Variants in PDGFRL observed in about 807,000 individuals in gnomAD.
PDGFRL encodes platelet-derived growth factor receptor-like protein.
A neutral mutation model predicts 37.2 loss-of-function variants in PDGFRL; 46 were observed. The ratio of observed to expected loss-of-function variants is 1.24; its 90% CI spans 0.98 to 1.58. The LOEUF (loss-of-function observed/expected upper bound fraction) is 1.58. Among genes scored for constraint, PDGFRL ranks in the 40% most tolerant of loss-of-function variants. The probability of loss-of-function intolerance (pLI) is 0.00; values close to 1 mark genes in which losing one functional copy is unlikely to be tolerated. For synonymous variants in PDGFRL, 251 were observed against 184.3 expected, an observed-to-expected ratio of 1.36 and a Z score of -2.93; for missense variants, 692 against 467.6, an observed-to-expected ratio of 1.48 and a Z score of -4.43.
chr8:17,597,404 C>T (rs1048271168), intron 2 of PDGFRL, among the ~76,000 whole-genome samples: 1 of 152,232 alleles, frequency 6.6e-6, no homozygotes, highest in Non-Finnish European at 1.5e-5. Flanking sequence ...ACTGCTTCAT[C>T]TTTTCCTACT....
chr8:17,610,625 G>C (rs1804390965), intron 2 of PDGFRL, among the ~76,000 whole-genome samples: 1 of 152,104 alleles, frequency 6.6e-6, no homozygotes, highest in Non-Finnish European at 1.5e-5. Context: ...ATTTACATGA[G>C]AAGGGCCAGG....
intron 3 of PDGFRL, among the ~76,000 whole-genome samples, chr8:17,623,156 C>G (rs369990893): frequency 4.6e-5 from 7 of 152,160 alleles, no homozygotes; most frequent in Non-Finnish European, 5.9e-5. Flanking sequence ...TGTTCCAGGA[C>G]CTGTAGTGGC....
chr8:17,597,355 C>G (rs978517432), intron 2 of PDGFRL, among the ~76,000 whole-genome samples: 1 of 152,222 alleles, frequency 6.6e-6, no homozygotes. Flanking sequence ...TGTTGGCTTT[C>G]TGGAAGCACG....
chr8:17,609,060 C>A (rs943747945), intron 2 of PDGFRL, among the ~76,000 whole-genome samples: 1 of 152,114 alleles, frequency 6.6e-6, no homozygotes, highest in African/African-American at 2.4e-5. Flanking sequence ...CTCTTAAAAA[C>A]AAACAAAAAG....
At chr8:17,618,371 T>A (rs1804569829) in intron 2 of PDGFRL, among the ~76,000 whole-genome samples, 1 of 152,210 alleles carries the variant, frequency 6.6e-6, no homozygotes, top group Non-Finnish European at 1.5e-5. Flanking sequence ...CGACCATTTT[T>A]TATTTGCTGT....
At position 17,600,670 on chromosome 8, in the gene PDGFRL, G is replaced by A. The variant is rs114177059; in HGVS notation, c.353+10905G>A. Among the ~76,000 whole-genome samples the A allele has an allele frequency of 8.7e-3, 1,325 of 151,846 alleles. 28 individuals carry two copies. Among genetic ancestry groups the A allele is most frequent in the African/African-American group, 0.03 (1,261 of 41,384 alleles). Reference sequence around the variant, plus strand: ...ATTGTTTTAAATTACAGGTGTGGTGGTACATGCCTGTAGTTGCAGCTACTC... The same window carrying A: ...ATTGTTTTAAATTACAGGTGTGGTGATACATGCCTGTAGTTGCAGCTACTC... On this transcript the variant is annotated intron_variant, in intron 2 of 5. Transcript: ENST00000251630.
At chr8:17,626,388 C>G (rs1488169573) in intron 3 of PDGFRL, among the ~76,000 whole-genome samples, 1 of 152,162 alleles carries the variant, frequency 6.6e-6, no homozygotes, top group Non-Finnish European at 1.5e-5. Flanking sequence ...AAGACGGAGA[C>G]TCTCTGAGCC....
intron 5 of PDGFRL, among the ~76,000 whole-genome samples, chr8:17,637,819 T>G (rs1460302640): frequency 6.6e-6 from 1 of 152,196 alleles, no homozygotes; most frequent in Non-Finnish European, 1.5e-5. Flanking sequence ...TTCCAGGAAT[T>G]TATCCATCTC....
At chr8:17,588,652 G>T (rs1356533123) in intron 1 of PDGFRL, among the ~76,000 whole-genome samples, 1 of 152,180 alleles carries the variant, frequency 6.6e-6, no homozygotes, top group African/African-American at 2.4e-5. Context: ...CAGCCTGGGT[G>T]ACAGAGTGAG....
intron 2 of PDGFRL, among the ~76,000 whole-genome samples, chr8:17,610,103 T>C (rs1804376871): frequency 6.6e-6 from 1 of 152,178 alleles, no homozygotes; most frequent in Non-Finnish European, 1.5e-5. Flanking sequence ...CGCCTGCCCA[T>C]TAGTAATTCA....
chr8:17,623,572 C>G (rs1406790626), intron 3 of PDGFRL, among the ~76,000 whole-genome samples: 2 of 152,080 alleles, frequency 1.3e-5, no homozygotes, highest in African/African-American at 4.8e-5. Context: ...GGCAGAATAT[C>G]CTATTAATAT....
intron 4 of PDGFRL, among the ~76,000 whole-genome samples, chr8:17,632,744 C>T (rs1223888684): frequency 1.3e-5 from 2 of 152,118 alleles, no homozygotes; most frequent in South Asian, 2.1e-4. Context: ...CTGTCCTCCT[C>T]CCCATCCAGG....
chr8:17,624,590 A>C (rs887558230), intron 3 of PDGFRL, among the ~76,000 whole-genome samples: 3 of 152,160 alleles, frequency 2.0e-5, no homozygotes, highest in African/African-American at 2.4e-5. Context: ...TCTAATTTTT[A>C]TACGTAGGAA....
intron 2 of PDGFRL, among the ~76,000 whole-genome samples, chr8:17,592,423 A>G (rs1321705794): frequency 1.3e-5 from 2 of 151,938 alleles, no homozygotes; most frequent in African/African-American, 2.4e-5. Flanking sequence ...GCAACACTTA[A>G]AAGTCAGAGT....
chr8:17,597,789 T>C (rs544301824), intron 2 of PDGFRL, among the ~76,000 whole-genome samples: 1 of 152,332 alleles, frequency 6.6e-6, no homozygotes, highest in African/African-American at 2.4e-5. Context: ...CTCAGTTTCT[T>C]AGCCTGTAAA....
At chr8:17,597,560 C>T (rs1398713540) in intron 2 of PDGFRL, among the ~76,000 whole-genome samples, 2 of 138,334 alleles carry the variant, frequency 1.4e-5, no homozygotes, top group East Asian at 4.2e-4. Flanking sequence ...ATTTTTTTTT[C>T]CCAAAGTGCT....
intron 3 of PDGFRL, among the ~76,000 whole-genome samples, chr8:17,627,857 C>T (rs1475575864): frequency 6.6e-6 from 1 of 151,840 alleles, no homozygotes; most frequent in Non-Finnish European, 1.5e-5. Context: ...TAAGGCTGGG[C>T]ATGTTAAACT....
chr8:17,612,622 C>T (rs1319726651), intron 2 of PDGFRL, among the ~76,000 whole-genome samples: 1 of 152,312 alleles, frequency 6.6e-6, no homozygotes, highest in East Asian at 1.9e-4. Context: ...CCACCTACCT[C>T]GGCCTCCCAA....
chr8:17,635,291 C>G lies in PDGFRL; in HGVS notation c.939+1078C>G, dbSNP rs926669540. 3.3e-5 allele frequency among the ~76,000 whole-genome samples: 5 copies of G among 152,250 alleles called. No homozygotes were observed. The East Asian group carries it at 5.8e-4, about 18-fold the overall frequency. On this transcript the variant is annotated intron_variant, in intron 5 of 5. Coordinates refer to ENST00000251630, the MANE Select transcript of PDGFRL (RefSeq NM_001372073.1). ...AGGCTTTTATCTCTCACCCCTCCCC[C>G]CAACCCTTTCCCCTGAATCCCCAAA...
Sources: gnomAD v4.1 joint callset for allele counts (sites outside exome capture counted in the v4.1 genomes callset) on GRCh38, gnomAD v4.1.1 for gene constraint, MANE v1.5 for transcripts, NCBI Gene and HGNC (gene_info 2026-07-23, HGNC 2026-07-21) for gene names.